Variants in PRR14L observed in about 807,000 individuals in gnomAD.
PRR14L encodes proline rich 14 like.
Under a neutral mutation model 155.0 loss-of-function variants are expected in PRR14L, and 80 were observed. That is an observed-to-expected ratio of 0.52 (90% CI 0.43 to 0.62). The LOEUF (loss-of-function observed/expected upper bound fraction) is 0.62, where lower values mean the gene tolerates loss of function less well. Among genes scored for constraint, PRR14L ranks in the 20% least tolerant of loss-of-function variants. The pLI, the probability that PRR14L is intolerant of heterozygous loss-of-function variation, is 0.00. For synonymous variants in PRR14L, 883 were observed against 916.0 expected (o/e 0.96, Z 0.65); for missense variants, 2,469 against 2,548.0 (o/e 0.97, Z 0.67).
intron 7 of PRR14L, among the ~76,000 whole-genome samples, chr22:31,694,591 C>CA (rs1452813900): frequency 1.3e-5 from 2 of 151,082 alleles, no homozygotes; most frequent in East Asian, 3.9e-4. Flanking sequence ...ACTAAAAATA[C>CA]AAAAAACAAA....
In PRR14L at chr22:31,713,345, G is replaced by A. The variant is rs1283374036; in HGVS notation, c.4494C>T (p.Pro1498=). Residue 1498 remains proline (P), a synonymous_variant, in exon 4 of 9, where the codon CCC becomes CCT. Coordinates refer to ENST00000327423, the MANE Select transcript of PRR14L (RefSeq NM_173566.3). Reference sequence around the variant, plus strand: ...GTATTTGATCACACCCAGCAGAGGAGGGGTCTTGTGCTTTCCGAGGGGCAC... The same window carrying A: ...GTATTTGATCACACCCAGCAGAGGAAGGGTCTTGTGCTTTCCGAGGGGCAC... ...LLGAPRKAQD[P]SSAGCDQIHG... 2 of 1,552,254 alleles carry A rather than the reference G, an allele frequency of 1.3e-6. No homozygotes were observed. The highest frequency in any genetic ancestry group is 1.7e-6 in the Non-Finnish European group (2 of 1,147,108).
chr22:31,712,180 T>C lies in PRR14L; in HGVS notation c.5659A>G (p.Ile1887Val), dbSNP rs142050508. 1.9e-6 allele frequency: 3 copies of C among 1,614,094 alleles called. No homozygotes were observed. Among genetic ancestry groups the C allele is most frequent in the Non-Finnish European group, 1.7e-6 (2 of 1,180,002 alleles). Reference protein sequence around the residue: ...LPYSVGRVLSIWSQHGPSVCS... With the variant: ...LPYSVGRVLSVWSQHGPSVCS... ...ACAGAAGGACCATGCTGGCTCCAAATGGATAGGACTCTGCCCACCGAGTAG... is the reference window on the plus strand; with the variant it reads ...ACAGAAGGACCATGCTGGCTCCAAACGGATAGGACTCTGCCCACCGAGTAG... Residue 1887 changes from isoleucine to valine, a missense_variant, in exon 4 of 9, where the codon ATT becomes GTT. Ile to Val is a conservative substitution (Grantham distance 29). This residue lies in a region of PRR14L where 2,363 missense variants were observed against 2,371.6 expected (regional missense o/e 1.00). Coordinates refer to ENST00000327423, the MANE Select transcript of PRR14L (RefSeq NM_173566.3).
chr22:31,709,234 C>T (rs1382830378), intron 4 of PRR14L, among the ~76,000 whole-genome samples: 4 of 151,866 alleles, frequency 2.6e-5, no homozygotes, highest in East Asian at 1.9e-4. Flanking sequence ...TGCGCCACCA[C>T]ACCTGGCCTA....
chr22:31,748,679 T>C (rs552357061), intron 1 of PRR14L, among the ~76,000 whole-genome samples: 1 of 152,280 alleles, frequency 6.6e-6, no homozygotes, highest in Admixed American at 6.5e-5. Flanking sequence ...GATGGAAGAT[T>C]TTTTGTCACT....
Position 31,713,725 on chromosome 22 carries a change from T to C in PRR14L, c.4114A>G (p.Ile1372Val). The C allele has an allele frequency of 6.4e-7, 1 of 1,552,384 alleles. No individual in the cohort carries two copies. The highest frequency in any genetic ancestry group is 1.2e-5 in the South Asian group (1 of 84,066). Residue 1372 changes from isoleucine (I) to valine (V), a missense_variant, in exon 4 of 9, where the codon ATC becomes GTC. By Grantham distance (29) the Ile-to-Val change is conservative (BLOSUM62 3). Coordinates refer to ENST00000327423, the MANE Select transcript of PRR14L (RefSeq NM_173566.3). ...CGGCATTTAAAATGGGTCTGAGAGATGTTGCTCACGGGATCGCCATCGCCA... is the reference window on the plus strand; with the variant it reads ...CGGCATTTAAAATGGGTCTGAGAGACGTTGCTCACGGGATCGCCATCGCCA... ...ETGDGDPVSN[I>V]SQTHFKCRGI... is the part of the protein sequence containing the mutation.
Position 31,704,522 on chromosome 22 carries a change from G to C in PRR14L, c.5828+133C>G, listed in dbSNP as rs2074579352. On this transcript the variant is annotated intron_variant, in intron 5 of 8. Transcript: ENST00000327423. ...CAATCTCAGAAATGTTTATCTGAGAGACATAGATCAGGTTTACAAGGACAA... is the reference window on the plus strand; with the variant it reads ...CAATCTCAGAAATGTTTATCTGAGACACATAGATCAGGTTTACAAGGACAA... The C allele has an allele frequency of 5.7e-6, 3 of 525,872 alleles. No homozygotes were observed. The Admixed American group carries it at 1.0e-4, about 18-fold the overall frequency. 32.6% of individuals were successfully genotyped at this position (525,872 alleles called of 1,614,324 possible). A position where few individuals can be genotyped will look rare whatever the true frequency, so the allele number is the denominator to read the frequency against.
chr22:31,735,235 C>A (rs956270217), intron 2 of PRR14L, among the ~76,000 whole-genome samples: 1 of 151,982 alleles, frequency 6.6e-6, no homozygotes, highest in African/African-American at 2.4e-5. Context: ...GTCAGGAGAT[C>A]GAGACCATCC....
chr22:31,735,301 C>T lies in PRR14L; in HGVS notation c.474+3086G>A, dbSNP rs563836486. On this transcript the variant is annotated intron_variant, in intron 2 of 8. Transcript: ENST00000327423. ...AAAAAAATACAAAAATTTAGCCAGG[C>T]GTCATGGCGGGCGCCTGTAGTCCCA... Among the ~76,000 whole-genome samples the T allele has an allele frequency of 5.9e-5, 9 of 152,188 alleles. 1 individual carries two copies. Among genetic ancestry groups the T allele is most frequent in the African/African-American group, 1.9e-4 (8 of 41,536 alleles).
chr22:31,712,569 G>C lies in PRR14L; in HGVS notation c.5270C>G (p.Ser1757Cys). ...AGAAAAGGTCCACTTGGGAGGTTGA[G>C]ACGGGCACTGGAGGGCCTCTCCTAA... ...LALGEALQCPSQPPKWTFSFF... is the reference protein window; with the variant it reads ...LALGEALQCPCQPPKWTFSFF... The change falls in exon 4 of 9, where the codon TCT (serine) becomes TGT (cysteine). Residue 1757 changes from serine to cysteine, a missense_variant. By Grantham distance (112) the Ser-to-Cys change is moderately radical. This residue lies in a region of PRR14L where 2,363 missense variants were observed against 2,371.6 expected (regional missense o/e 1.00). Coordinates refer to ENST00000327423, the MANE Select transcript of PRR14L (RefSeq NM_173566.3). 1 of 1,551,750 alleles carries C rather than the reference G, an allele frequency of 6.4e-7. No individual in the cohort carries two copies. Among genetic ancestry groups the C allele is most frequent in the Non-Finnish European group, 8.7e-7 (1 of 1,147,014 alleles).
intron 1 of PRR14L, among the ~76,000 whole-genome samples, chr22:31,746,600 G>C (rs1357258779): frequency 6.6e-6 from 1 of 152,102 alleles, no homozygotes; most frequent in Non-Finnish European, 1.5e-5. Flanking sequence ...AGCTGCTACT[G>C]GCTTGTCGTC....
In PRR14L at chr22:31,703,612, C is replaced by T; in HGVS notation, c.5938G>A (p.Glu1980Lys). The T allele has an allele frequency of 6.2e-7, 1 of 1,613,982 alleles. No individual in the cohort carries two copies. Among genetic ancestry groups the T allele is most frequent in the East Asian group, 2.2e-5 (1 of 44,852 alleles). ...CATGCTGCTTTCACACCATCCAGCT[C>T]ATCCAATCCACGAACCTGGAACTCA... ...ASEFQVRGLD[E>K]LDGVKAACPC... is the part of the protein sequence containing the mutation. The change falls in exon 6 of 9, where the codon GAG becomes AAG. Residue 1980 changes from glutamate to lysine, a missense_variant. By Grantham distance (56) the Glu-to-Lys change is moderately conservative. Coordinates refer to ENST00000327423, the MANE Select transcript of PRR14L (RefSeq NM_173566.3).
chr22:31,703,266 T>A (rs1243350303), intron 6 of PRR14L, among the ~76,000 whole-genome samples: 2 of 152,234 alleles, frequency 1.3e-5, no homozygotes, highest in African/African-American at 4.8e-5. Flanking sequence ...CCACTCATCT[T>A]CTTTGAATGC....
intron 1 of PRR14L, among the ~76,000 whole-genome samples, chr22:31,746,795 CT>C (rs770907499): frequency 0.1 from 13,434 of 131,018 alleles, 285 homozygotes; most frequent in Admixed American, 0.14. Flanking sequence ...TCCCAGCAGT[CT>C]TTTTTTTTTT....
chr22:31,740,149 C>A (rs779012924), intron 1 of PRR14L, among the ~76,000 whole-genome samples: 98 of 152,280 alleles, frequency 6.4e-4, no homozygotes, highest in Middle Eastern at 6.8e-3. Flanking sequence ...CAGCCTCCCT[C>A]TCCCAGACTC....
chr22:31,724,321 G>A (rs2074705860), intron 3 of PRR14L, among the ~76,000 whole-genome samples: 1 of 152,218 alleles, frequency 6.6e-6, no homozygotes, highest in Non-Finnish European at 1.5e-5. Flanking sequence ...CACCAGATCT[G>A]TGGAAAAACT....
chr22:31,723,269 G>C (rs574735741), intron 3 of PRR14L, among the ~76,000 whole-genome samples: 3 of 152,240 alleles, frequency 2.0e-5, no homozygotes, highest in South Asian at 2.1e-4. Flanking sequence ...CATGATATTA[G>C]AACATGAAGA....
Position 31,716,562 on chromosome 22 carries a change from C to G in PRR14L, c.1277G>C (p.Gly426Ala). 1 of 1,548,098 alleles carries G rather than the reference C, an allele frequency of 6.5e-7. No individual in the cohort carries two copies. The highest frequency in any genetic ancestry group is 8.7e-7 in the Non-Finnish European group (1 of 1,146,166). ...NAREPEKEIS[G>A]RCSGEKEPVV... Reference sequence around the variant, plus strand: ...AGGCTCTTTTTCACCAGAACAACGACCACTAATCTCCTTTTCTGGTTCCCT... The same window carrying G: ...AGGCTCTTTTTCACCAGAACAACGAGCACTAATCTCCTTTTCTGGTTCCCT... The change falls in exon 4 of 9, where the codon GGT (glycine) becomes GCT (alanine). Residue 426 changes from glycine to alanine, a missense_variant. Physicochemically the swap from Gly to Ala is moderately conservative, Grantham distance 60 (BLOSUM62 0). Around this residue, in one of 2 missense-constraint regions of PRR14L, gnomAD observed 2,363 missense variants for 2,371.6 expected, o/e 1.00. Transcript: ENST00000327423.
rs949907868 is a variant in PRR14L at position 31,717,422 on chromosome 22, A to T, written c.548-131T>A. On this transcript the variant is annotated intron_variant, in intron 3 of 8. Transcript: ENST00000327423. ...AACTCAAAAAGAAAACTGGAAAGTTAGCATGCTATACCATTGATTTTGTTC... is the reference window on the plus strand; with the variant it reads ...AACTCAAAAAGAAAACTGGAAAGTTTGCATGCTATACCATTGATTTTGTTC... 13 of 694,238 alleles carry T rather than the reference A, an allele frequency of 1.9e-5. No individual in the cohort carries two copies. In the South Asian group the frequency reaches 2.6e-4, roughly 14 times the overall value. 43.0% of individuals were successfully genotyped at this position (694,238 alleles called of 1,614,324 possible).
Position 31,713,808 on chromosome 22 carries a change from C to A in PRR14L, c.4031G>T (p.Gly1344Val), listed in dbSNP as rs1202653093. The part of the protein sequence containing the change: ...KGEETEEHQR[G>V]RLGYLTVGEQ... The stretch of plus-strand genomic sequence containing the variant: ...CCCAACAGTTAAGTAACCCAGTCGT[C>A]CCCTCTGATGCTCTTCGGTTTCTTC... Residue 1344 changes from glycine to valine, a missense_variant, in exon 4 of 9, where the codon GGA becomes GTA. Physicochemically the swap from Gly to Val is moderately radical, Grantham distance 109. Transcript: ENST00000327423. 1 of 1,552,342 alleles carries A rather than the reference C, an allele frequency of 6.4e-7. No homozygotes were observed. Among genetic ancestry groups the A allele is most frequent in the South Asian group, 1.2e-5 (1 of 84,058 alleles).
Sources: gnomAD v4.1 joint callset for allele counts (sites outside exome capture counted in the v4.1 genomes callset) on GRCh38, gnomAD v4.1.1 for gene constraint, gnomAD v4.1.1 regional missense constraint, MANE v1.5 for transcripts, NCBI Gene and HGNC (gene_info 2026-07-23, HGNC 2026-07-21) for gene names.